The following HIBADH variants were observed in gnomAD, a reference collection of about 807,000 sequenced individuals.
HIBADH encodes 3-hydroxyisobutyrate dehydrogenase.
In HIBADH, 25 loss-of-function variants were observed where a neutral mutation model predicts 36.1. The observed-to-expected ratio is 0.69, with a 90% CI of 0.50 to 0.97. The LOEUF is 0.97. Among genes scored for constraint, HIBADH ranks in the 50% least tolerant of loss-of-function variants. The pLI, the probability that HIBADH is intolerant of heterozygous loss-of-function variation, is 0.00. For synonymous variants in HIBADH, 160 were observed against 149.5 expected (o/e 1.07, Z -0.51); for missense variants, 421 against 418.0 (o/e 1.01, Z -0.06).
chr7:27,566,594 T>C (rs1784552067), intron 4 of HIBADH, among the ~76,000 whole-genome samples: 1 of 152,098 alleles, frequency 6.6e-6, no homozygotes, highest in Non-Finnish European at 1.5e-5. Flanking sequence ...TTTGCTTTGG[T>C]TTTATTTTAC....
chr7:27,559,651 A>C (rs1209428683), intron 4 of HIBADH, among the ~76,000 whole-genome samples: 4 of 151,964 alleles, frequency 2.6e-5, no homozygotes, highest in Non-Finnish European at 5.9e-5. Flanking sequence ...AACAACAATA[A>C]CAAAAAAACC....
At chr7:27,644,139 A>C (rs920262164) in intron 2 of HIBADH, among the ~76,000 whole-genome samples, 13 of 152,172 alleles carry the variant, frequency 8.5e-5, no homozygotes, top group Admixed American at 2.0e-4. Flanking sequence ...AGATATATGC[A>C]ACCATGATGA....
chr7:27,532,412 T>G (rs545777488), intron 6 of HIBADH, among the ~76,000 whole-genome samples: 6 of 152,228 alleles, frequency 3.9e-5, no homozygotes, highest in Non-Finnish European at 8.8e-5. Context: ...ACTGTGCATC[T>G]TGGCACGCTC....
At chr7:27,614,118 T>A (rs1475007818) in intron 4 of HIBADH, among the ~76,000 whole-genome samples, 5 of 152,224 alleles carry the variant, frequency 3.3e-5, no homozygotes. Context: ...CCATTTCTGC[T>A]TGTTAAATAC....
At chr7:27,622,074 T>C (rs955714570) in intron 4 of HIBADH, among the ~76,000 whole-genome samples, 1 of 151,920 alleles carries the variant, frequency 6.6e-6, no homozygotes, top group Non-Finnish European at 1.5e-5. Flanking sequence ...GGGAAAACAG[T>C]GAGAATCCAT....
intron 4 of HIBADH, among the ~76,000 whole-genome samples, chr7:27,608,163 T>C (rs1178619976): frequency 1.3e-5 from 2 of 152,216 alleles, no homozygotes; most frequent in Non-Finnish European, 2.9e-5. Context: ...AGATGTCAGA[T>C]ACTAATGTTA....
chr7:27,537,817 T>G (rs995446047), intron 6 of HIBADH, among the ~76,000 whole-genome samples: 1 of 152,188 alleles, frequency 6.6e-6, no homozygotes, highest in Non-Finnish European at 1.5e-5. Flanking sequence ...GAAAGAGTTA[T>G]GCATATGAAT....
chr7:27,558,694 CA>C (rs1052180550), intron 4 of HIBADH, among the ~76,000 whole-genome samples: 4 of 151,880 alleles, frequency 2.6e-5, no homozygotes, highest in African/African-American at 7.3e-5. Context: ...GACCCAGTCT[CA>C]AAAACAAAAA....
intron 5 of HIBADH, among the ~76,000 whole-genome samples, chr7:27,539,897 A>G (rs999794388): frequency 3.9e-5 from 6 of 152,150 alleles, no homozygotes; most frequent in Non-Finnish European, 7.3e-5. Flanking sequence ...AAGATAAAAT[A>G]TATTTATTAT....
chr7:27,589,719 T>C (rs1003144699), intron 4 of HIBADH, among the ~76,000 whole-genome samples: 5 of 152,114 alleles, frequency 3.3e-5, no homozygotes, highest in Admixed American at 2.6e-4. Context: ...AAAAAGGCAA[T>C]TTGGGGAAAT....
At chr7:27,542,715 G>A (rs1784173606) in intron 5 of HIBADH, among the ~76,000 whole-genome samples, 2 of 151,994 alleles carry the variant, frequency 1.3e-5, no homozygotes, top group Admixed American at 1.3e-4. Flanking sequence ...GCCTCCCAAA[G>A]TGTTGGGATT....
chr7:27,631,921 T>G (rs1335649698), intron 3 of HIBADH, among the ~76,000 whole-genome samples: 1 of 152,230 alleles, frequency 6.6e-6, no homozygotes, highest in African/African-American at 2.4e-5. Flanking sequence ...ACATAACTTT[T>G]TTTCGTATAA....
chr7:27,554,214 G>A (rs1465996240), intron 4 of HIBADH, among the ~76,000 whole-genome samples: 1 of 152,202 alleles, frequency 6.6e-6, no homozygotes, highest in Admixed American at 6.5e-5. Context: ...TCGAACTCCT[G>A]ACCTCAGGTG....
At chr7:27,561,018 A>C (rs974339845) in intron 4 of HIBADH, among the ~76,000 whole-genome samples, 3 of 152,078 alleles carry the variant, frequency 2.0e-5, no homozygotes, top group Non-Finnish European at 4.4e-5. Context: ...GTTCAGTGTA[A>C]TCTCTTTGTG....
intron 4 of HIBADH, among the ~76,000 whole-genome samples, chr7:27,577,133 C>T (rs1237453320): frequency 6.6e-6 from 1 of 151,086 alleles, no homozygotes; most frequent in Non-Finnish European, 1.5e-5. Context: ...ACTTCTACAG[C>T]ACATTTGTGA....
At chr7:27,566,374 C>CA (rs374594799) in intron 4 of HIBADH, among the ~76,000 whole-genome samples, 3,894 of 147,130 alleles carry the variant, frequency 0.026, 77 homozygotes, top group African/African-American at 0.058. Flanking sequence ...TTGTGGCTCT[C>CA]AAAAAAAAAA....
chr7:27,640,542 C>G (rs1785941156), intron 2 of HIBADH, among the ~76,000 whole-genome samples: 1 of 152,150 alleles, frequency 6.6e-6, no homozygotes, highest in Non-Finnish European at 1.5e-5. Context: ...AAGAAATGAA[C>G]AAACAAAATC....
intron 4 of HIBADH, among the ~76,000 whole-genome samples, chr7:27,609,927 C>T (rs1477513544): frequency 6.6e-6 from 1 of 152,048 alleles, no homozygotes; most frequent in Non-Finnish European, 1.5e-5. Flanking sequence ...AGCGATTCTC[C>T]TGCCTCAGCC....
rs941652202 is a variant in HIBADH, at chr7:27,623,294, T to C, written c.484+6077A>G. Among the ~76,000 whole-genome samples, 8 of 152,234 alleles carry C rather than the reference T, an allele frequency of 5.3e-5. No individual in the cohort carries two copies. In the East Asian group the frequency reaches 1.4e-3, roughly 26 times the overall value. ...ATATACAACACACTCACAGCTAACA[T>C]CATATGGAATGGGGGAAAGTTGAAA... On this transcript the variant is annotated intron_variant, in intron 4 of 7. Coordinates refer to ENST00000265395, the MANE Select transcript of HIBADH (RefSeq NM_152740.4).
Sources: allele counts gnomAD v4.1 joint callset (sites outside exome capture counted in the v4.1 genomes callset), GRCh38; gene constraint gnomAD v4.1.1; transcripts MANE v1.5; gene names NCBI Gene and HGNC (gene_info 2026-07-23, HGNC 2026-07-21).